SMARCAD1: variants seen among roughly 807,000 people sequenced by gnomAD.
The protein encoded by SMARCAD1 is SWI/SNF-related matrix-associated actin-dependent regulator of chromatin subfamily A containing DEAD/H box 1.
SMARCAD1 carries 25 observed loss-of-function variants against 127.1 expected under a neutral mutation model. The ratio of observed to expected loss-of-function variants is 0.20; its 90% CI spans 0.14 to 0.27. The LOEUF is 0.27. SMARCAD1 is among the 10% of genes least tolerant of loss of function. The pLI is 1.00. For synonymous variants in SMARCAD1, 400 were observed against 396.9 expected (o/e 1.01, Z -0.09); for missense variants, 807 against 1,206.0 (o/e 0.67, Z 4.90).
intron 9 of SMARCAD1, 178 bp downstream of exon 9, chr4:94,253,185 AT>A: frequency 6.7e-7 from 1 of 1,500,770 alleles, no homozygotes; most frequent in South Asian, 1.2e-5. Flanking sequence ...ATATGACCTA[AT>A]TTTGAATGAA....
chr4:94,280,559 T>G (rs765988956), intron 19 of SMARCAD1, 33 bp from the exon 20 acceptor site: 3 of 1,568,122 alleles, frequency 1.9e-6, no homozygotes, highest in Admixed American at 3.3e-5. Flanking sequence ...TTATTTTTAT[T>G]TTGAAGTATA....
intron 2 of SMARCAD1, among the ~76,000 whole-genome samples, chr4:94,223,672 G>A (rs1016955722): frequency 6.7e-6 from 1 of 149,800 alleles, no homozygotes; most frequent in African/African-American, 2.5e-5. Flanking sequence ...AGGTTCAGGT[G>A]AGTCTCCTGC....
intron 12 of SMARCAD1, 39 bp downstream of exon 12, chr4:94,273,755 T>C: frequency 1.3e-6 from 2 of 1,496,716 alleles, no homozygotes; most frequent in Non-Finnish European, 1.9e-6. Flanking sequence ...AACTTTATCA[T>C]GTTTTATATA....
chr4:94,246,603 AGTG>A (rs1181653104), intron 6 of SMARCAD1, among the ~76,000 whole-genome samples: 2 of 152,132 alleles, frequency 1.3e-5, no homozygotes, highest in Non-Finnish European at 2.9e-5. Flanking sequence ...CTCCCACGAA[AGTG>A]GTGGGCCTCA....
intron 6 of SMARCAD1, among the ~76,000 whole-genome samples, chr4:94,243,489 AT>A (rs1437957556): frequency 6.6e-6 from 1 of 152,220 alleles, no homozygotes; most frequent in Non-Finnish European, 1.5e-5. Context: ...TCTCATGGTC[AT>A]TTGATGTTCT....
chr4:94,219,646 A>G (rs574103325), intron 2 of SMARCAD1, among the ~76,000 whole-genome samples: 1 of 152,186 alleles, frequency 6.6e-6, no homozygotes, highest in Non-Finnish European at 1.5e-5. Context: ...GCATATGCTA[A>G]TAATGTAAGT....
chr4:94,220,529 T>C (rs1348035333), intron 2 of SMARCAD1, among the ~76,000 whole-genome samples: 1 of 152,224 alleles, frequency 6.6e-6, no homozygotes, highest in Non-Finnish European at 1.5e-5. Context: ...ATTACAGGCA[T>C]GAGCCACCGT....
At chr4:94,271,271 A>G (rs567194057) in intron 11 of SMARCAD1, among the ~76,000 whole-genome samples, 11 of 152,330 alleles carry the variant, frequency 7.2e-5, no homozygotes, top group Admixed American at 6.5e-4. Flanking sequence ...ATCCACATAT[A>G]TATCAGCAAC....
intron 9 of SMARCAD1, 129 bp from the exon 10 acceptor site, chr4:94,264,578 A>G: frequency 2.9e-6 from 2 of 678,696 alleles, no homozygotes; most frequent in East Asian, 5.5e-5. Context: ...AGGTTCTCTT[A>G]GTAGTTGACT....
intron 11 of SMARCAD1, among the ~76,000 whole-genome samples, chr4:94,271,953 A>G (rs1043922662): frequency 1.3e-5 from 2 of 152,162 alleles, no homozygotes; most frequent in Non-Finnish European, 2.9e-5. Context: ...TTAGTCAGCT[A>G]GCATTGCCAT....
chr4:94,208,670 A>G (rs775984478), intron 2 of SMARCAD1, 86 bp downstream of exon 2: 1 of 1,255,556 alleles, frequency 8.0e-7, no homozygotes, highest in Non-Finnish European at 1.2e-6. Flanking sequence ...TTTATTCTTG[A>G]TGTCATATAT....
At chr4:94,238,073 T>C (rs1051718723) in intron 5 of SMARCAD1, among the ~76,000 whole-genome samples, 5 of 152,184 alleles carry the variant, frequency 3.3e-5, no homozygotes, top group African/African-American at 1.2e-4. Context: ...TACAAAACGA[T>C]GTGTTCCCAT....
chr4:94,249,780 A>T, intron 7 of SMARCAD1, 25 bp downstream of exon 7: 1 of 1,266,226 alleles, frequency 7.9e-7, no homozygotes, highest in Non-Finnish European at 1.2e-6. Context: ...ATGAAAATTT[A>T]ATCAGTGTGT....
chr4:94,245,697 A>G (rs1164939491), intron 6 of SMARCAD1, among the ~76,000 whole-genome samples: 3 of 152,196 alleles, frequency 2.0e-5, no homozygotes, highest in Non-Finnish European at 4.4e-5. Context: ...TATTTATTGT[A>G]GTATTTAGGT....
In SMARCAD1 at chr4:94,284,452, G is replaced by A. The variant is rs114801247; in HGVS notation, c.2910-508G>A. ...GACAGAGCCTCACTCTGGCTGGAGT[G>A]CAGTGGCACCATCTCTGCTCACTTC... On this transcript the variant is annotated intron_variant, in intron 22 of 23. Transcript: ENST00000354268. Among the ~76,000 whole-genome samples the A allele has an allele frequency of 5.3e-3, 803 of 151,710 alleles. 5 individuals carry two copies. The highest frequency in any genetic ancestry group is 0.018 in the African/African-American group (761 of 41,346).
At chr4:94,248,807 C>T (rs769680206) in intron 6 of SMARCAD1, among the ~76,000 whole-genome samples, 6 of 152,062 alleles carry the variant, frequency 3.9e-5, no homozygotes, top group Non-Finnish European at 7.4e-5. Context: ...GAGGAGGTAT[C>T]AGAATTTAGT....
At chr4:94,251,844 AATTTTTTTT>A (rs1296623005) in intron 8 of SMARCAD1, among the ~76,000 whole-genome samples, 1 of 151,824 alleles carries the variant, frequency 6.6e-6, no homozygotes, top group Non-Finnish European at 1.5e-5. Flanking sequence ...GTATTTGAAT[AATTTTTTTT>A]ATTTTTTATT....
chr4:94,258,546 T>C (rs1750467281), intron 9 of SMARCAD1, among the ~76,000 whole-genome samples: 1 of 152,228 alleles, frequency 6.6e-6, no homozygotes, highest in South Asian at 2.1e-4. Flanking sequence ...TTCATTTTCC[T>C]GTCATCCTGG....
At chr4:94,213,711 TAACTC>T (rs928398089) in intron 2 of SMARCAD1, among the ~76,000 whole-genome samples, 38 of 152,318 alleles carry the variant, frequency 2.5e-4, no homozygotes, top group African/African-American at 9.1e-4. Context: ...GATTTACAGA[TAACTC>T]AAATGTTCCT....
Sources: gnomAD v4.1 joint callset for allele counts (sites outside exome capture counted in the v4.1 genomes callset) on GRCh38, gnomAD v4.1.1 for gene constraint, MANE v1.5 for transcripts, NCBI Gene and HGNC (gene_info 2026-07-23, HGNC 2026-07-21) for gene names.